The following GRIA4 variants were observed in gnomAD, a reference collection of about 807,000 sequenced individuals.
The protein encoded by GRIA4 is glutamate receptor 4.
In GRIA4, 34 loss-of-function variants were observed where a neutral mutation model predicts 104.0. That is an observed-to-expected ratio of 0.33 (90% CI 0.25 to 0.44). The LOEUF (loss-of-function observed/expected upper bound fraction) is 0.44, where lower values mean the gene tolerates loss of function less well. GRIA4 is among the 20% of genes least tolerant of loss of function. The probability of loss-of-function intolerance (pLI) is 1.00; values close to 1 mark genes in which losing one functional copy is unlikely to be tolerated. For missense variants in GRIA4, 750 were observed against 1,096.5 expected (o/e 0.68, Z 4.46); for synonymous variants, 386 against 381.9 (o/e 1.01, Z -0.13).
At chr11:105,746,655 T>G (rs1939678010) in intron 3 of GRIA4, among the ~76,000 whole-genome samples, 2 of 152,114 alleles carry the variant, frequency 1.3e-5, no homozygotes, top group African/African-American at 4.8e-5. Context: ...GTTCCATAGA[T>G]TATGGATTCT....
chr11:105,657,042 A>AG (rs55676770), intron 3 of GRIA4, among the ~76,000 whole-genome samples: 78,073 of 151,140 alleles, frequency 0.52, 20,361 homozygotes, highest in Admixed American at 0.61. Context: ...TGCTCCAGAA[A>AG]AAAAAAGGGT....
chr11:105,663,162 AT>A (rs1591524266), intron 3 of GRIA4, among the ~76,000 whole-genome samples: 1 of 129,526 alleles, frequency 7.7e-6, no homozygotes, highest in Non-Finnish European at 1.7e-5. Context: ...AAGTTCATTG[AT>A]TTATATAACT....
intron 4 of GRIA4, among the ~76,000 whole-genome samples, chr11:105,819,695 A>G (rs1249402524): frequency 6.6e-6 from 1 of 152,102 alleles, no homozygotes; most frequent in East Asian, 1.9e-4. Context: ...ACATGTATAC[A>G]TTATCACACA....
intron 6 of GRIA4, among the ~76,000 whole-genome samples, chr11:105,890,777 C>CCT (rs1946427086): frequency 6.6e-6 from 1 of 152,128 alleles, no homozygotes; most frequent in African/African-American, 2.4e-5. Flanking sequence ...TGGGCATGCC[C>CCT]CTCCCTGATT....
At chr11:105,698,774 A>T (rs1041025841) in intron 3 of GRIA4, among the ~76,000 whole-genome samples, 1 of 152,150 alleles carries the variant, frequency 6.6e-6, no homozygotes, top group Non-Finnish European at 1.5e-5. Context: ...ACTAGACACT[A>T]ATTATGATCC....
intron 3 of GRIA4, among the ~76,000 whole-genome samples, chr11:105,726,226 T>A (rs1039175797): frequency 6.6e-6 from 1 of 152,180 alleles, no homozygotes; most frequent in South Asian, 2.1e-4. Context: ...CCACTATTAC[T>A]GAGGCTTGAG....
intron 4 of GRIA4, among the ~76,000 whole-genome samples, chr11:105,801,326 G>C (rs1942711795): frequency 6.6e-6 from 1 of 151,638 alleles, no homozygotes; most frequent in Non-Finnish European, 1.5e-5. Context: ...TAAACTTCAG[G>C]ACAACAAATA....
chr11:105,864,081 A>G (rs1406958730), intron 5 of GRIA4, among the ~76,000 whole-genome samples: 1 of 152,220 alleles, frequency 6.6e-6, no homozygotes, highest in African/African-American at 2.4e-5. Flanking sequence ...TAATAGTAAG[A>G]GAACTTTGTC....
chr11:105,630,434 T>C (rs758826717), intron 3 of GRIA4, among the ~76,000 whole-genome samples: 6 of 151,974 alleles, frequency 3.9e-5, no homozygotes, highest in Non-Finnish European at 5.9e-5. Flanking sequence ...CGTGGTGGCA[T>C]GTGCCTGTAA....
chr11:105,800,261 G>A, intron 4 of GRIA4, among the ~76,000 whole-genome samples: 1 of 152,038 alleles, frequency 6.6e-6, no homozygotes, highest in East Asian at 1.9e-4. Context: ...TGACTACAGT[G>A]TGAAAGGGTG....
At chr11:105,711,218 T>G (rs1040240741) in intron 3 of GRIA4, among the ~76,000 whole-genome samples, 10 of 152,048 alleles carry the variant, frequency 6.6e-5, no homozygotes, top group Non-Finnish European at 1.2e-4. Flanking sequence ...AAATTATTCC[T>G]GGTGTATGAT....
chr11:105,946,564 T>C (rs1488612821), intron 14 of GRIA4, among the ~76,000 whole-genome samples: 2 of 152,092 alleles, frequency 1.3e-5, no homozygotes, highest in South Asian at 2.1e-4. Flanking sequence ...CCAGCCTGGG[T>C]GACACAGCCA....
intron 4 of GRIA4, among the ~76,000 whole-genome samples, chr11:105,848,140 A>G (rs1344390798): frequency 6.6e-6 from 1 of 152,170 alleles, no homozygotes; most frequent in Non-Finnish European, 1.5e-5. Context: ...CATTAGCATA[A>G]TGGAGAACAT....
chr11:105,928,655 A>G (rs1230128114), intron 13 of GRIA4, among the ~76,000 whole-genome samples: 4 of 152,182 alleles, frequency 2.6e-5, no homozygotes, highest in Admixed American at 6.6e-5. Flanking sequence ...CTGAAAATTG[A>G]TGACTGATTG....
chr11:105,838,126 C>T (rs919776762), intron 4 of GRIA4, among the ~76,000 whole-genome samples: 6 of 152,164 alleles, frequency 3.9e-5, no homozygotes, highest in Non-Finnish European at 8.8e-5. Flanking sequence ...AATTATTTAA[C>T]ACTAGCATTA....
intron 3 of GRIA4, among the ~76,000 whole-genome samples, chr11:105,655,405 G>A (rs1951813949): frequency 6.6e-6 from 1 of 151,948 alleles, no homozygotes. Context: ...TTGTTACATA[G>A]GTATACATGT....
chr11:105,801,353 A>C (rs867684682), intron 4 of GRIA4, among the ~76,000 whole-genome samples: 75 of 152,034 alleles, frequency 4.9e-4, no homozygotes, highest in African/African-American at 1.7e-3. Flanking sequence ...AACATGCAGG[A>C]AATTAGGATT....
intron 3 of GRIA4, among the ~76,000 whole-genome samples, chr11:105,737,856 T>G (rs2135638532): frequency 6.6e-6 from 1 of 152,258 alleles, no homozygotes; most frequent in South Asian, 2.1e-4. Flanking sequence ...TAAACTTATA[T>G]GAGTTGCATA....
intron 4 of GRIA4, among the ~76,000 whole-genome samples, chr11:105,860,130 T>C (rs907061807): frequency 1.4e-4 from 22 of 152,180 alleles, no homozygotes; most frequent in African/African-American, 5.3e-4. Context: ...CATGCCCTCT[T>C]TCTTCCTCTT....
Sources: gnomAD v4.1 joint callset for allele counts (sites outside exome capture counted in the v4.1 genomes callset) on GRCh38, gnomAD v4.1.1 for gene constraint, MANE v1.5 for transcripts, NCBI Gene and HGNC (gene_info 2026-07-23, HGNC 2026-07-21) for gene names.